Variants in PLCXD2 observed in about 807,000 individuals in gnomAD.
The protein encoded by PLCXD2 is phosphatidylinositol specific phospholipase C X domain containing 2.
Under a neutral mutation model 28.6 loss-of-function variants are expected in PLCXD2, and 21 were observed. That is an observed-to-expected ratio of 0.73 (90% CI 0.52 to 1.06). PLCXD2 has a LOEUF of 1.06. Ranked by LOEUF, PLCXD2 falls within the 50% of genes least tolerant of loss-of-function variation. The pLI, the probability that PLCXD2 is intolerant of heterozygous loss-of-function variation, is 0.00. For missense variants in PLCXD2, 369 were observed against 376.7 expected (o/e 0.98, Z 0.17); for synonymous variants, 140 against 150.1 (o/e 0.93, Z 0.49).
intron 3 of PLCXD2, among the ~76,000 whole-genome samples, chr3:111,719,245 G>T (rs182892865): frequency 2.0e-5 from 3 of 152,228 alleles, no homozygotes; most frequent in African/African-American, 7.2e-5. Context: ...GGACAAATTA[G>T]AATCTGTAAA....
chr3:111,720,376 C>G (rs1280119973), intron 3 of PLCXD2, among the ~76,000 whole-genome samples: 2 of 152,012 alleles, frequency 1.3e-5, no homozygotes, highest in African/African-American at 2.4e-5. Context: ...TTCAAGTGAT[C>G]CACCCACCTC....
chr3:111,683,995 G>A (rs1940755607), intron 1 of PLCXD2, among the ~76,000 whole-genome samples: 1 of 152,066 alleles, frequency 6.6e-6, no homozygotes, highest in South Asian at 2.1e-4. Context: ...TTGCAAGGAG[G>A]AGACTGTCAG....
chr3:111,725,142 C>T (rs1425338321), intron 3 of PLCXD2: 2 of 138,026 alleles, frequency 1.4e-5, no homozygotes, highest in African/African-American at 5.4e-5. Context: ...AGAAATCTGC[C>T]AACATGTATG....
chr3:111,717,638 A>C (rs1433711678), intron 3 of PLCXD2, among the ~76,000 whole-genome samples: 2 of 152,204 alleles, frequency 1.3e-5, no homozygotes, highest in African/African-American at 4.8e-5. Flanking sequence ...CTCAGGCTCC[A>C]GGGATCCTCC....
intron 1 of PLCXD2, among the ~76,000 whole-genome samples, chr3:111,701,548 A>T (rs188824959): frequency 6.6e-6 from 1 of 152,266 alleles, no homozygotes; most frequent in Admixed American, 6.5e-5. Flanking sequence ...GTTGAGTTTG[A>T]GCTTTATTTG....
intron 1 of PLCXD2, among the ~76,000 whole-genome samples, chr3:111,688,276 A>G (rs1940824586): frequency 6.6e-6 from 1 of 152,218 alleles, no homozygotes; most frequent in Non-Finnish European, 1.5e-5. Context: ...TTTGCTAGGA[A>G]GATTGACAGA....
chr3:111,712,043 T>G (rs375083455), intron 2 of PLCXD2, among the ~76,000 whole-genome samples: 353 of 151,596 alleles, frequency 2.3e-3, no homozygotes, highest in African/African-American at 8.1e-3. Context: ...AGACAGAGGT[T>G]GGGGGGAGAG....
intron 1 of PLCXD2, among the ~76,000 whole-genome samples, chr3:111,689,357 C>A (rs1273241965): frequency 6.6e-6 from 1 of 152,164 alleles, no homozygotes; most frequent in Non-Finnish European, 1.5e-5. Flanking sequence ...GACAGACAAG[C>A]CAGTTGGAGA....
intron 2 of PLCXD2, among the ~76,000 whole-genome samples, chr3:111,711,682 A>G (rs1292651064): frequency 2.0e-5 from 3 of 152,212 alleles, no homozygotes; most frequent in East Asian, 3.9e-4. Flanking sequence ...TGAGGGTACA[A>G]TGAGTTAGAG....
At chr3:111,711,013 T>G (rs1941192657) in intron 2 of PLCXD2, among the ~76,000 whole-genome samples, 1 of 152,246 alleles carries the variant, frequency 6.6e-6, no homozygotes, top group African/African-American at 2.4e-5. Flanking sequence ...GGAAAGAGAC[T>G]GTGATGATAT....
At chr3:111,716,325 C>T (rs1173615089) in intron 3 of PLCXD2, among the ~76,000 whole-genome samples, 8 of 152,052 alleles carry the variant, frequency 5.3e-5, no homozygotes, top group Non-Finnish European at 1.2e-4. Context: ...AACAACTGGT[C>T]GCTGGCACTG....
intron 1 of PLCXD2, among the ~76,000 whole-genome samples, chr3:111,686,440 C>G (rs1374776613): frequency 6.6e-6 from 1 of 152,184 alleles, no homozygotes; most frequent in Non-Finnish European, 1.5e-5. Flanking sequence ...CCACATGGCT[C>G]TCTCAGATTT....
chr3:111,721,239 G>A (rs972217446), intron 3 of PLCXD2: 6 of 156,578 alleles, frequency 3.8e-5, no homozygotes, highest in African/African-American at 1.4e-4. Flanking sequence ...TGTCGTCTGG[G>A]GTGTTGTGTT....
chr3:111,708,454 C>T (rs1377550250), intron 2 of PLCXD2, 68 bp downstream of exon 2: 30 of 1,419,564 alleles, frequency 2.1e-5, no homozygotes, highest in African/African-American at 1.0e-4. Flanking sequence ...CCTGTATTGC[C>T]GTCTGTAAAA....
At chr3:111,713,777 A>T in intron 2 of PLCXD2, 110 bp from the exon 3 acceptor site, 2 of 1,230,186 alleles carry the variant, frequency 1.6e-6, no homozygotes, top group South Asian at 1.5e-5. Context: ...TTGACTTTCC[A>T]CATATGATTA....
chr3:111,697,241 G>T (rs1226427509), intron 1 of PLCXD2, among the ~76,000 whole-genome samples: 1 of 152,146 alleles, frequency 6.6e-6, no homozygotes, highest in African/African-American at 2.4e-5. Flanking sequence ...TGGAGAATGT[G>T]TTACATCCAT....
chr3:111,678,939 A>G (rs1200102226), intron 1 of PLCXD2, among the ~76,000 whole-genome samples: 1 of 152,196 alleles, frequency 6.6e-6, no homozygotes. Flanking sequence ...GGGTCTATTC[A>G]CTTTAGCCTC....
rs564828793 is a variant in PLCXD2, at chr3:111,709,485, C to T, written c.624+1099C>T. On this transcript the variant is annotated intron_variant, in intron 2 of 4. Transcript: ENST00000477665. Reference sequence around the variant, plus strand: ...GTGTATATACACACACACACACACGCACACACACACATAAAGTGTTAGAAA... The same window carrying T: ...GTGTATATACACACACACACACACGTACACACACACATAAAGTGTTAGAAA... Among the ~76,000 whole-genome samples the T allele has an allele frequency of 7.3e-4, 110 of 151,236 alleles. No homozygotes were observed. In the Middle Eastern group the frequency reaches 0.01, roughly 14 times the overall value.
At chr3:111,675,909 C>T (rs970814138) in intron 1 of PLCXD2, among the ~76,000 whole-genome samples, 2 of 152,302 alleles carry the variant, frequency 1.3e-5, no homozygotes, top group African/African-American at 2.4e-5. Context: ...AGTATAAAGA[C>T]ACATTTTTGT....
Sources: allele counts gnomAD v4.1 joint callset (sites outside exome capture counted in the v4.1 genomes callset), GRCh38; gene constraint gnomAD v4.1.1; transcripts MANE v1.5; gene names NCBI Gene and HGNC (gene_info 2026-07-23, HGNC 2026-07-21).